RYR3: variants seen among roughly 807,000 people sequenced by gnomAD.
The protein encoded by RYR3 is ryanodine receptor 3.
In RYR3, 207 loss-of-function variants were observed where a neutral mutation model predicts 584.3. The observed-to-expected ratio is 0.35, with a 90% CI of 0.32 to 0.40. RYR3 has a LOEUF of 0.40. RYR3 is among the 10% of genes least tolerant of loss of function. RYR3 has a pLI of 1.00. For missense variants in RYR3, 5,616 were observed against 6,089.2 expected (o/e 0.92, Z 2.59); for synonymous variants, 2,416 against 2,248.5 (o/e 1.07, Z -2.11).
intron 10 of RYR3, among the ~76,000 whole-genome samples, chr15:33,552,941 A>G (rs1334833921): frequency 3.9e-5 from 6 of 152,110 alleles, no homozygotes; most frequent in African/African-American, 9.7e-5. Flanking sequence ...CCCAGCAGAA[A>G]GAGGTTTGGG....
intron 70 of RYR3, among the ~76,000 whole-genome samples, chr15:33,810,230 C>T (rs768990644): frequency 6.6e-6 from 1 of 152,178 alleles, no homozygotes; most frequent in Non-Finnish European, 1.5e-5. Context: ...CAATAGGCGT[C>T]GGTGATGTGT....
intron 28 of RYR3, among the ~76,000 whole-genome samples, chr15:33,644,817 A>C (rs1384742926): frequency 6.6e-6 from 1 of 152,156 alleles, no homozygotes; most frequent in Non-Finnish European, 1.5e-5. Flanking sequence ...GTAATATAGT[A>C]TTCGGAGACC....
In RYR3 at chr15:33,580,124, C is replaced by G; in HGVS notation, c.1417C>G (p.Gln473Glu). The G allele has an allele frequency of 6.2e-7, 1 of 1,608,116 alleles. No homozygotes were observed. The highest frequency in any genetic ancestry group is 8.5e-7 in the Non-Finnish European group (1 of 1,177,326). Residue 473 changes from glutamine to glutamate, a missense_variant, in exon 13 of 104, where the codon CAA (glutamine) becomes GAA (glutamate). Coordinates refer to ENST00000634891, the MANE Select transcript of RYR3 (RefSeq NM_001036.6). ...CAAGCTCCGCTCACTCAAAAACAGA[C>G]AAAATCTTTTCAAGGAAGAGGTAAG... Reference protein sequence around the residue: ...QNKLRSLKNRQNLFKEEGMLA... With the variant: ...QNKLRSLKNRENLFKEEGMLA...
At chr15:33,588,472 A>G (rs2058966200) in intron 16 of RYR3, among the ~76,000 whole-genome samples, 1 of 152,152 alleles carries the variant, frequency 6.6e-6, no homozygotes, top group South Asian at 2.1e-4. Context: ...TTTTTTATTT[A>G]TAAAAAAATA....
At chr15:33,520,024 T>A (rs950039880) in intron 3 of RYR3, among the ~76,000 whole-genome samples, 1 of 151,942 alleles carries the variant, frequency 6.6e-6, no homozygotes, top group African/African-American at 2.4e-5. Flanking sequence ...GATAGAGAGA[T>A]TTAAAAAAAT....
At chr15:33,600,128 G>A (rs930063154) in intron 16 of RYR3, among the ~76,000 whole-genome samples, 4 of 152,194 alleles carry the variant, frequency 2.6e-5, no homozygotes, top group African/African-American at 9.6e-5. Context: ...AATGGTAAGA[G>A]TCCCCCATAA....
intron 55 of RYR3, among the ~76,000 whole-genome samples, chr15:33,749,460 C>G (rs189284337): frequency 2.9e-4 from 44 of 152,336 alleles, no homozygotes; most frequent in Non-Finnish European, 5.4e-4. Flanking sequence ...GAGAAAGTTT[C>G]TTTCCAAAGT....
At chr15:33,696,104 A>AAT in intron 38 of RYR3, 114 bp from the exon 39 acceptor site, 1 of 1,026,924 alleles carries the variant, frequency 9.7e-7, no homozygotes, top group Non-Finnish European at 1.4e-6. Flanking sequence ...CTATAATAAG[A>AAT]ATTTTGTAAC....
chr15:33,615,136 AT>A (rs1386206052), intron 19 of RYR3, among the ~76,000 whole-genome samples: 3 of 152,202 alleles, frequency 2.0e-5, no homozygotes, highest in African/African-American at 7.2e-5. Context: ...ATCACAATCA[AT>A]TGAGCAGGAG....
At chr15:33,509,733 A>G (rs1440132281) in intron 3 of RYR3, among the ~76,000 whole-genome samples, 1 of 152,062 alleles carries the variant, frequency 6.6e-6, no homozygotes, top group Non-Finnish European at 1.5e-5. Flanking sequence ...AAAAGCCTGA[A>G]TTTCCTTTGT....
At chr15:33,697,242 C>T (rs1314220492) in intron 39 of RYR3, among the ~76,000 whole-genome samples, 2 of 152,194 alleles carry the variant, frequency 1.3e-5, no homozygotes, top group African/African-American at 2.4e-5. Context: ...TGCACTCATT[C>T]GTCAAACTCA....
chr15:33,698,363 T>G (rs1337432648), intron 40 of RYR3, among the ~76,000 whole-genome samples: 2 of 152,222 alleles, frequency 1.3e-5, no homozygotes, highest in Admixed American at 6.5e-5. Flanking sequence ...GAACAAGATC[T>G]CAATAGTGAT....
chr15:33,687,667 A>G (rs373262787), intron 38 of RYR3, among the ~76,000 whole-genome samples: 1 of 152,266 alleles, frequency 6.6e-6, no homozygotes, highest in Non-Finnish European at 1.5e-5. Flanking sequence ...AAACTATACT[A>G]CAAGGCTGCA....
At chr15:33,615,444 C>A (rs1379889997) in intron 19 of RYR3, among the ~76,000 whole-genome samples, 1 of 152,156 alleles carries the variant, frequency 6.6e-6, no homozygotes, top group Admixed American at 6.5e-5. Context: ...TGGTACTCAA[C>A]CTTTGGAATT....
At chr15:33,794,615 G>C (rs1282491740) in intron 67 of RYR3, among the ~76,000 whole-genome samples, 1 of 152,060 alleles carries the variant, frequency 6.6e-6, no homozygotes, top group Non-Finnish European at 1.5e-5. Flanking sequence ...TACTTATGCG[G>C]TGTTTGACAG....
At chr15:33,507,788 C>A (rs1013271885) in intron 3 of RYR3, among the ~76,000 whole-genome samples, 2 of 151,956 alleles carry the variant, frequency 1.3e-5, no homozygotes, top group Admixed American at 6.6e-5. Flanking sequence ...ACCTCTGGGG[C>A]AAATTATTTC....
chr15:33,638,587 C>T (rs773921556), intron 27 of RYR3, among the ~76,000 whole-genome samples: 19 of 152,302 alleles, frequency 1.2e-4, no homozygotes, highest in Non-Finnish European at 2.4e-4. Flanking sequence ...GGAATCTCAG[C>T]CCCACCCCAG....
chr15:33,851,198 C>A (rs146189694), intron 94 of RYR3: 191 of 152,260 alleles, frequency 1.3e-3, no homozygotes, highest in African/African-American at 4.3e-3. Flanking sequence ...AACAGTGCTA[C>A]AGTGAACATT....
intron 64 of RYR3, among the ~76,000 whole-genome samples, chr15:33,777,303 C>T (rs2074059037): frequency 6.6e-6 from 1 of 152,148 alleles, no homozygotes; most frequent in African/African-American, 2.4e-5. Context: ...ACCAACACTC[C>T]CTGCTGGGGA....
Sources: allele counts gnomAD v4.1 joint callset (sites outside exome capture counted in the v4.1 genomes callset), GRCh38; gene constraint gnomAD v4.1.1; transcripts MANE v1.5; gene names NCBI Gene and HGNC (gene_info 2026-07-23, HGNC 2026-07-21).